The following DTNB variants were observed in gnomAD, a reference collection of about 807,000 sequenced individuals.
DTNB encodes the protein DTN-B.
Under a neutral mutation model 90.7 loss-of-function variants are expected in DTNB, and 63 were observed. The observed-to-expected ratio is 0.69, with a 90% CI of 0.57 to 0.86. The LOEUF is 0.86. Ranked by LOEUF, DTNB falls within the 40% of genes least tolerant of loss-of-function variation. The probability of loss-of-function intolerance (pLI) is 0.00; values close to 1 mark genes in which losing one functional copy is unlikely to be tolerated. For synonymous variants in DTNB, 277 were observed against 286.7 expected, an observed-to-expected ratio of 0.97 and a Z score of 0.34; for missense variants, 744 against 807.1, an observed-to-expected ratio of 0.92 and a Z score of 0.95.
intron 10 of DTNB, among the ~76,000 whole-genome samples, chr2:25,458,880 C>G (rs1299913836): frequency 6.6e-6 from 1 of 152,010 alleles, no homozygotes; most frequent in Non-Finnish European, 1.5e-5. Flanking sequence ...CTCCCGACCT[C>G]GTGATCCGCC....
intron 9 of DTNB, among the ~76,000 whole-genome samples, chr2:25,498,847 C>CA (rs34017287): frequency 0.34 from 22,038 of 65,012 alleles, 4,034 homozygotes; most frequent in Middle Eastern, 0.43. Context: ...AACCCTGTCT[C>CA]AAAAAAAAAA....
chr2:25,456,822 C>G (rs1291252589), intron 10 of DTNB, among the ~76,000 whole-genome samples: 1 of 151,972 alleles, frequency 6.6e-6, no homozygotes, highest in Non-Finnish European at 1.5e-5. Flanking sequence ...CCTGCCTCAG[C>G]TTCTCAAAGT....
chr2:25,539,903 G>A (rs1380711639), intron 8 of DTNB, among the ~76,000 whole-genome samples: 1 of 152,048 alleles, frequency 6.6e-6, no homozygotes, highest in African/African-American at 2.4e-5. Context: ...TAGGCATCAG[G>A]AAATAATCCA....
intron 8 of DTNB, among the ~76,000 whole-genome samples, chr2:25,538,130 G>T (rs921786371): frequency 6.6e-6 from 1 of 151,926 alleles, no homozygotes; most frequent in Non-Finnish European, 1.5e-5. Context: ...TGCCTATAAT[G>T]CCAGCACTTT....
intron 8 of DTNB, among the ~76,000 whole-genome samples, chr2:25,568,058 T>A (rs996563346): frequency 6.6e-6 from 1 of 151,404 alleles, no homozygotes; most frequent in Non-Finnish European, 1.5e-5. Flanking sequence ...CTTGGGAGGC[T>A]GAAGCAGGAG....
chr2:25,497,846 G>A (rs1332546647), intron 9 of DTNB, among the ~76,000 whole-genome samples: 1 of 152,118 alleles, frequency 6.6e-6, no homozygotes, highest in Non-Finnish European at 1.5e-5. Flanking sequence ...CCCTCATTTG[G>A]CTAATGTTAC....
At chr2:25,670,435 C>A (rs2085557627) in intron 1 of DTNB, among the ~76,000 whole-genome samples, 1 of 152,058 alleles carries the variant, frequency 6.6e-6, no homozygotes, top group Non-Finnish European at 1.5e-5. Context: ...AGAGAATAGT[C>A]TGGAAAGACC....
At chr2:25,643,000 C>CTGAGGT (rs1311915435) in intron 2 of DTNB, among the ~76,000 whole-genome samples, 2 of 152,108 alleles carry the variant, frequency 1.3e-5, no homozygotes, top group African/African-American at 4.8e-5. Context: ...CAATCGTGCC[C>CTGAGGT]ACCTCAGCCT....
intron 5 of DTNB, among the ~76,000 whole-genome samples, chr2:25,604,417 T>C (rs554060754): frequency 2.2e-5 from 3 of 137,988 alleles, no homozygotes; most frequent in South Asian, 2.3e-4. Flanking sequence ...CTCTCTCTCT[T>C]TCTTTTCTTG....
intron 15 of DTNB, among the ~76,000 whole-genome samples, chr2:25,427,309 C>T (rs757094551): frequency 6.6e-6 from 1 of 152,024 alleles, no homozygotes; most frequent in Non-Finnish European, 1.5e-5. Flanking sequence ...ATAAAAGCAA[C>T]TGCTCGAGAC....
At chr2:25,467,941 C>A (rs544098881) in intron 10 of DTNB, among the ~76,000 whole-genome samples, 63 of 152,124 alleles carry the variant, frequency 4.1e-4, no homozygotes, top group Non-Finnish European at 8.1e-4. Flanking sequence ...CAAGTATACA[C>A]ATGGTATACA....
chr2:25,505,302 T>C (rs567938673), intron 9 of DTNB, among the ~76,000 whole-genome samples: 8 of 152,228 alleles, frequency 5.3e-5, no homozygotes, highest in South Asian at 2.1e-4. Context: ...CACATGTCCA[T>C]ACAAAGGTTG....
chr2:25,563,816 G>A (rs890897606), intron 8 of DTNB, among the ~76,000 whole-genome samples: 40 of 152,162 alleles, frequency 2.6e-4, no homozygotes, highest in South Asian at 2.1e-4. Flanking sequence ...CAGTATCACC[G>A]TCTTGATTAC....
chr2:25,483,004 G>A (rs971342453), intron 9 of DTNB, 131 bp from the exon 10 acceptor site: 93 of 929,218 alleles, frequency 1.0e-4, no homozygotes, highest in Non-Finnish European at 1.3e-4. Flanking sequence ...CCATGGGGAG[G>A]GGGGGGACCC....
intron 4 of DTNB, among the ~76,000 whole-genome samples, chr2:25,620,191 T>C (rs143561025): frequency 7.9e-4 from 120 of 152,176 alleles, no homozygotes; most frequent in African/African-American, 2.7e-3. Flanking sequence ...GAGCATGTCA[T>C]ATTGGAAAAG....
chr2:25,486,333 G>A (rs919565236), intron 9 of DTNB, among the ~76,000 whole-genome samples: 3 of 151,920 alleles, frequency 2.0e-5, no homozygotes, highest in African/African-American at 7.3e-5. Flanking sequence ...GTGTGGCGGC[G>A]CATGCTCGCA....
intron 10 of DTNB, among the ~76,000 whole-genome samples, chr2:25,466,171 C>G (rs183908169): frequency 6.6e-6 from 1 of 152,148 alleles, no homozygotes; most frequent in Admixed American, 6.5e-5. Flanking sequence ...CCTGTCTCTA[C>G]TAAAAAATAC....
chr2:25,393,285 G>C (rs1378514602), intron 16 of DTNB, among the ~76,000 whole-genome samples: 1 of 152,142 alleles, frequency 6.6e-6, no homozygotes, highest in Admixed American at 6.6e-5. Context: ...ATACTGAACA[G>C]GGAAAAGTTG....
At chr2:25,379,235 G>A in intron 20 of DTNB, 55 bp downstream of exon 20, 1 of 1,295,712 alleles carries the variant, frequency 7.7e-7, no homozygotes, top group Non-Finnish European at 9.9e-7. Flanking sequence ...GGGAAGGGAA[G>A]ATGCTGAGGA....
Sources: allele counts gnomAD v4.1 joint callset (sites outside exome capture counted in the v4.1 genomes callset), GRCh38; gene constraint gnomAD v4.1.1; transcripts MANE v1.5; gene names NCBI Gene and HGNC (gene_info 2026-07-23, HGNC 2026-07-21).